LHFPL3: variants seen among roughly 807,000 people sequenced by gnomAD.
LHFPL3 encodes the protein LHFPL tetraspan subfamily member 3.
LHFPL3 carries 5 observed loss-of-function variants against 19.3 expected under a neutral mutation model. That is an observed-to-expected ratio of 0.26 (90% CI 0.14 to 0.54). The LOEUF (loss-of-function observed/expected upper bound fraction) is 0.54. LHFPL3 is among the 20% of genes least tolerant of loss of function. The probability of loss-of-function intolerance (pLI) is 0.94; values close to 1 mark genes in which losing one functional copy is unlikely to be tolerated. For synonymous variants in LHFPL3, 133 were observed against 126.2 expected (o/e 1.05, Z -0.36); for missense variants, 249 against 307.4 (o/e 0.81, Z 1.42).
At chr7:104,581,602 C>A (rs1057020433) in intron 1 of LHFPL3, among the ~76,000 whole-genome samples, 7 of 151,914 alleles carry the variant, frequency 4.6e-5, no homozygotes, top group Non-Finnish European at 7.4e-5. Flanking sequence ...ATATGTTTTC[C>A]TATGTTCTTT....
intron 1 of LHFPL3, among the ~76,000 whole-genome samples, chr7:104,502,949 A>C (rs1222642629): frequency 6.6e-6 from 1 of 152,184 alleles, no homozygotes; most frequent in Non-Finnish European, 1.5e-5. Flanking sequence ...GATAGTATAA[A>C]TCATTTCAAA....
At chr7:104,792,428 A>G (rs780676783) in intron 2 of LHFPL3, among the ~76,000 whole-genome samples, 92 of 152,224 alleles carry the variant, frequency 6.0e-4, no homozygotes, top group Non-Finnish European at 1.2e-3. Context: ...TGAATTAATT[A>G]TCTCCGTCAT....
chr7:104,570,840 C>T (rs574461080), intron 1 of LHFPL3, among the ~76,000 whole-genome samples: 16 of 152,252 alleles, frequency 1.1e-4, no homozygotes, highest in South Asian at 4.2e-4. Context: ...CCCAATAGGC[C>T]GTACTTAGTA....
intron 1 of LHFPL3, among the ~76,000 whole-genome samples, chr7:104,401,481 C>T (rs962192126): frequency 1.9e-4 from 29 of 151,894 alleles, no homozygotes; most frequent in African/African-American, 7.0e-4. Context: ...TTTGTATTTA[C>T]CAAATAGAAA....
chr7:104,749,710 C>T (rs376628298), intron 2 of LHFPL3, among the ~76,000 whole-genome samples: 6 of 151,256 alleles, frequency 4.0e-5, no homozygotes, highest in South Asian at 2.1e-4. Flanking sequence ...AATTCCAAGG[C>T]GAGAATGAAG....
intron 2 of LHFPL3, chr7:104,738,465 AT>A (rs1404849291): frequency 6.6e-6 from 1 of 152,130 alleles, no homozygotes; most frequent in African/African-American, 2.4e-5. Context: ...GCAGATTATG[AT>A]TTTTGCCCCC....
At chr7:104,483,805 G>T (rs528469384) in intron 1 of LHFPL3, among the ~76,000 whole-genome samples, 1 of 151,916 alleles carries the variant, frequency 6.6e-6, no homozygotes, top group African/African-American at 2.4e-5. Context: ...CTTAAATTTT[G>T]TGTAGAGACA....
intron 1 of LHFPL3, among the ~76,000 whole-genome samples, chr7:104,620,646 A>T (rs1045909156): frequency 6.7e-6 from 1 of 149,798 alleles, no homozygotes; most frequent in Non-Finnish European, 1.5e-5. Flanking sequence ...AACACTTTTT[A>T]TCTTAATGTA....
At chr7:104,516,746 A>G (rs1016054694) in intron 1 of LHFPL3, among the ~76,000 whole-genome samples, 1 of 152,110 alleles carries the variant, frequency 6.6e-6, no homozygotes, top group African/African-American at 2.4e-5. Context: ...ATGATTCCAC[A>G]GAGACCTAAA....
intron 1 of LHFPL3, among the ~76,000 whole-genome samples, chr7:104,671,418 T>C (rs945992117): frequency 1.5e-4 from 23 of 152,000 alleles, no homozygotes; most frequent in African/African-American, 5.3e-4. Context: ...AATGTCCCGC[T>C]CCTGAATACA....
intron 1 of LHFPL3, among the ~76,000 whole-genome samples, chr7:104,458,763 A>G (rs112392576): frequency 5.9e-5 from 9 of 151,550 alleles, no homozygotes; most frequent in African/African-American, 1.7e-4. Flanking sequence ...TTATTGGCTA[A>G]TTCACCTTCA....
chr7:104,855,960 C>G (rs1207662456), intron 2 of LHFPL3, among the ~76,000 whole-genome samples: 1 of 152,156 alleles, frequency 6.6e-6, no homozygotes, highest in African/African-American at 2.4e-5. Context: ...AACACCAAAA[C>G]TTGCCTGGCC....
rs1240464565 is a variant in LHFPL3 at position 104,818,388 on chromosome 7, A to T, written c.682+81477A>T. On this transcript the variant is annotated intron_variant, in intron 2 of 2. Transcript: ENST00000424859. ...AACTGGCTTGGGCACTTCTCTCATT[A>T]AAAAAAAAAAAAAAAACAGGCACGT... Among the ~76,000 whole-genome samples the T allele has an allele frequency of 8.4e-5, 7 of 82,958 alleles. No homozygotes were observed. The East Asian group carries it at 9.0e-4, about 11-fold the overall frequency. 54.4% of individuals were successfully genotyped at this position (82,958 alleles called of 152,430 possible).
At chr7:104,456,423 A>G (rs1216067204) in intron 1 of LHFPL3, among the ~76,000 whole-genome samples, 4 of 152,210 alleles carry the variant, frequency 2.6e-5, no homozygotes, top group South Asian at 2.1e-4. Context: ...ATTCCAAAAC[A>G]CAGCAGTGCC....
At chr7:104,485,894 G>A (rs1012158370) in intron 1 of LHFPL3, among the ~76,000 whole-genome samples, 1 of 152,140 alleles carries the variant, frequency 6.6e-6, no homozygotes, top group Non-Finnish European at 1.5e-5. Flanking sequence ...CTGTCCTTGT[G>A]TCTATCACTT....
chr7:104,846,099 T>C (rs1791308103), intron 2 of LHFPL3, among the ~76,000 whole-genome samples: 1 of 152,238 alleles, frequency 6.6e-6, no homozygotes, highest in Non-Finnish European at 1.5e-5. Context: ...CTAGTGGCCC[T>C]TCATTGTACT....
At chr7:104,849,805 T>A (rs1020044504) in intron 2 of LHFPL3, among the ~76,000 whole-genome samples, 3 of 152,348 alleles carry the variant, frequency 2.0e-5, no homozygotes, top group East Asian at 1.9e-4. Flanking sequence ...GGCAGGACTC[T>A]CCCTGGAATG....
At chr7:104,335,848 A>T (rs1483155725) in intron 1 of LHFPL3, among the ~76,000 whole-genome samples, 1 of 121,708 alleles carries the variant, frequency 8.2e-6, no homozygotes, top group Non-Finnish European at 1.7e-5. Context: ...TTTCAAAGGG[A>T]GTAAAATGAA....
rs569115886 is a variant in LHFPL3, at chr7:104,747,083, A to G, written c.682+10172A>G. ...TTCGGTTTTTGTTTTGTTTCTTATA[A>G]TCTCCCCACATACACCTGTATTTAT... On this transcript the variant is annotated intron_variant, in intron 2 of 2. Coordinates refer to ENST00000424859, the MANE Select transcript of LHFPL3 (RefSeq NM_199000.3). 4.6e-5 allele frequency among the ~76,000 whole-genome samples: 7 copies of G among 152,260 alleles called. No homozygotes were observed. In the South Asian group the frequency reaches 1.0e-3, roughly 23 times the overall value.
Sources: allele counts gnomAD v4.1 joint callset (sites outside exome capture counted in the v4.1 genomes callset), GRCh38; gene constraint gnomAD v4.1.1; transcripts MANE v1.5; gene names NCBI Gene and HGNC (gene_info 2026-07-23, HGNC 2026-07-21).